Variants in FAM20A observed in about 807,000 individuals in gnomAD.
The protein encoded by FAM20A is pseudokinase FAM20A.
In FAM20A, 42 loss-of-function variants were observed where a neutral mutation model predicts 52.0. That is an observed-to-expected ratio of 0.81 (90% CI 0.63 to 1.04). The LOEUF is 1.04. Among genes scored for constraint, FAM20A ranks in the 50% least tolerant of loss-of-function variants. The pLI is 0.00. For missense variants in FAM20A, 742 were observed against 712.7 expected (o/e 1.04, Z -0.47); for synonymous variants, 304 against 298.9 (o/e 1.02, Z -0.18).
rs1382206313 is a variant in FAM20A at position 68,536,459 on chromosome 17, A to G, written c.*1018T>C. 1 of 454,008 alleles carries G rather than the reference A, an allele frequency of 2.2e-6. No individual in the cohort carries two copies. The highest frequency in any genetic ancestry group is 6.9e-5 in the East Asian group (1 of 14,406). The allele number at this position is 454,008 out of a possible 1,614,324, so 28.1% of individuals were successfully genotyped here. ...AGGGAGAAGGTAGAGGAGACAAGGA[A>G]TCCCTACTACACTTTCTTCTAAGGG... On this transcript the variant is annotated 3_prime_UTR_variant, in exon 11 of 11. Transcript: ENST00000592554.
At chr17:68,597,507 C>A (rs775885689) in intron 1 of FAM20A, among the ~76,000 whole-genome samples, 1 of 152,062 alleles carries the variant, frequency 6.6e-6, no homozygotes, top group Non-Finnish European at 1.5e-5. Flanking sequence ...GCCGCAGCCT[C>A]CTGAGTAGCT....
intron 1 of FAM20A, among the ~76,000 whole-genome samples, chr17:68,560,556 G>C (rs1413170896): frequency 6.6e-6 from 1 of 152,130 alleles, no homozygotes; most frequent in Admixed American, 6.5e-5. Context: ...TGTTATAGCA[G>C]TCTGAATAGA....
Position 68,536,951 on chromosome 17 carries a change from C to G in FAM20A, c.*526G>C. ...TTACTGATTCAGATGGGTCCAGTGA[C>G]TAGAATATGAGTAGAAAGTGTGAGG... On this transcript the variant is annotated 3_prime_UTR_variant, in exon 11 of 11. Transcript: ENST00000592554. The G allele has an allele frequency of 2.2e-6, 1 of 454,266 alleles. No homozygotes were observed. Among genetic ancestry groups the G allele is most frequent in the Non-Finnish European group, 4.4e-6 (1 of 226,926 alleles). 28.1% of individuals were successfully genotyped at this position (454,266 alleles called of 1,614,324 possible).
chr17:68,550,950 A>G, intron 4 of FAM20A: 2 of 695,316 alleles, frequency 2.9e-6, no homozygotes, highest in Non-Finnish European at 3.9e-6. Flanking sequence ...TGGGGCTCTC[A>G]ATGGGCCTCC....
At chr17:68,541,117 G>A (rs139326706) in intron 7 of FAM20A, 159 bp from the exon 8 acceptor site, 13 of 1,033,164 alleles carry the variant, frequency 1.3e-5, no homozygotes, top group African/African-American at 4.8e-5. Flanking sequence ...GCAAGGACGC[G>A]TAAGGCTGCA....
At chr17:68,543,870 C>A (rs1273682309) in intron 4 of FAM20A, 149 bp from the exon 5 acceptor site, 1 of 725,106 alleles carries the variant, frequency 1.4e-6, no homozygotes, top group Non-Finnish European at 2.4e-6. Context: ...TCAGGAATGG[C>A]CTGTGGCTCC....
intron 1 of FAM20A, among the ~76,000 whole-genome samples, chr17:68,599,464 A>G (rs1258033743): frequency 1.3e-5 from 2 of 152,166 alleles, no homozygotes; most frequent in Non-Finnish European, 2.9e-5. Context: ...TATCCTAAAT[A>G]TATTTGATAT....
chr17:68,543,800 G>T, intron 4 of FAM20A, 79 bp from the exon 5 acceptor site: 1 of 1,260,608 alleles, frequency 7.9e-7, no homozygotes, highest in Non-Finnish European at 1.2e-6. Context: ...AGCATGACCA[G>T]CGAGAAAGGA....
At chr17:68,538,754 T>C (rs894827883) in intron 10 of FAM20A, among the ~76,000 whole-genome samples, 1 of 152,214 alleles carries the variant, frequency 6.6e-6, no homozygotes, top group Non-Finnish European at 1.5e-5. Context: ...AATAGGTGAT[T>C]ATCTGAGTGG....
intron 1 of FAM20A, among the ~76,000 whole-genome samples, chr17:68,557,200 TA>T (rs35938940): frequency 8.3e-4 from 121 of 146,256 alleles, no homozygotes; most frequent in Admixed American, 1.2e-3. Context: ...ACTCTGACTT[TA>T]AAAAAAAAAA....
chr17:68,545,340 C>T (rs2086499229), intron 4 of FAM20A, among the ~76,000 whole-genome samples: 1 of 152,182 alleles, frequency 6.6e-6, no homozygotes, highest in Admixed American at 6.5e-5. Flanking sequence ...AGGTTTGCTT[C>T]TAGACCACCA....
chr17:68,585,449 TTA>T (rs1347302869), intron 1 of FAM20A, among the ~76,000 whole-genome samples: 2 of 54,406 alleles, frequency 3.7e-5, no homozygotes, highest in Non-Finnish European at 7.0e-5. Flanking sequence ...ATGGCTTTAT[TTA>T]TTTTTTTTTT....
chr17:68,580,813 AC>A (rs2087922626), intron 1 of FAM20A, among the ~76,000 whole-genome samples: 2 of 151,754 alleles, frequency 1.3e-5, no homozygotes, highest in Admixed American at 1.3e-4. Context: ...AACTCATTTC[AC>A]CCCCACAGAA....
Position 68,537,533 on chromosome 17 carries a change from C to T in FAM20A, c.1570G>A (p.Asp524Asn), listed in dbSNP as rs772882502. 35 of 1,613,698 alleles carry T rather than the reference C, an allele frequency of 2.2e-5. No homozygotes were observed. The highest frequency in any genetic ancestry group is 4.4e-5 in the South Asian group (4 of 91,000). ...GGGGCCAACTGTTCCACTGGGCCGT[C>T]GACTATGACACTCTGCTGTCCATGG... ...VAHGQQSVIV[D>N]GPVEQLAPDS... is the part of the protein sequence containing the mutation. Residue 524 changes from aspartate to asparagine, a missense_variant, in exon 11 of 11, where the codon GAC becomes AAC. By Grantham distance (23) the Asp-to-Asn change is conservative (BLOSUM62 1). Transcript: ENST00000592554. This position sits in a 1 kb window ranked among gnomAD's most constrained non-coding sequence, Gnocchi z 4.2.
chr17:68,598,703 T>G (rs1380678504), intron 1 of FAM20A, among the ~76,000 whole-genome samples: 1 of 152,228 alleles, frequency 6.6e-6, no homozygotes, highest in African/African-American at 2.4e-5. Flanking sequence ...ATTTTTGCTT[T>G]TCTGCCATAA....
chr17:68,564,251 G>C (rs2952311), intron 1 of FAM20A, among the ~76,000 whole-genome samples: 119,185 of 152,158 alleles, frequency 0.78, 47,003 homozygotes, highest in East Asian at 0.95. Flanking sequence ...CTTCAGTTTA[G>C]CTGTTGTGGG....
At chr17:68,569,053 A>G (rs538010852) in intron 1 of FAM20A, among the ~76,000 whole-genome samples, 4 of 151,956 alleles carry the variant, frequency 2.6e-5, no homozygotes, top group African/African-American at 9.7e-5. Flanking sequence ...CCATCATTAA[A>G]CACTACAATT....
intron 1 of FAM20A, among the ~76,000 whole-genome samples, chr17:68,575,695 TATATATA>T (rs2087737044): frequency 8.1e-6 from 1 of 123,882 alleles, no homozygotes; most frequent in Non-Finnish European, 1.6e-5. Context: ...TATTTTATAT[TATATATA>T]TTATATATTA....
chr17:68,578,923 A>T (rs1393872966), intron 1 of FAM20A, among the ~76,000 whole-genome samples: 1 of 149,612 alleles, frequency 6.7e-6, no homozygotes, highest in Non-Finnish European at 1.5e-5. Context: ...GCTGAGGTAG[A>T]AGAATTGTTT....
Sources: gnomAD v4.1 joint callset for allele counts (sites outside exome capture counted in the v4.1 genomes callset) on GRCh38, gnomAD v4.1.1 for gene constraint, Gnocchi (gnomAD v3.1) non-coding constraint, MANE v1.5 for transcripts, NCBI Gene and HGNC (gene_info 2026-07-23, HGNC 2026-07-21) for gene names.